Variants in GRIN2B observed in about 807,000 individuals in gnomAD.
The protein encoded by GRIN2B is glutamate ionotropic receptor NMDA type subunit 2B.
GRIN2B carries 5 observed loss-of-function variants against 114.5 expected under a neutral mutation model. The observed-to-expected ratio is 0.04, with a 90% CI of 0.02 to 0.09. GRIN2B has a LOEUF of 0.09. Ranked by LOEUF, GRIN2B falls within the 10% of genes least tolerant of loss-of-function variation. GRIN2B has a pLI of 1.00. For synonymous variants in GRIN2B, 787 were observed against 745.1 expected (o/e 1.06, Z -0.92); for missense variants, 1,108 against 1,943.5 (o/e 0.57, Z 8.08).
chr12:13,929,597 T>C (rs1866984452), intron 2 of GRIN2B, among the ~76,000 whole-genome samples: 1 of 152,204 alleles, frequency 6.6e-6, no homozygotes, highest in Non-Finnish European at 1.5e-5. Flanking sequence ...AACAAAGCCC[T>C]GAGTGTCTAA....
At chr12:13,699,572 T>C (rs1009355665) in intron 4 of GRIN2B, among the ~76,000 whole-genome samples, 28 of 152,040 alleles carry the variant, frequency 1.8e-4, no homozygotes, top group Middle Eastern at 3.4e-3. Context: ...AGGAGAAACC[T>C]ACCTGAAAGG....
At chr12:13,635,299 C>T (rs557798121) in intron 5 of GRIN2B, among the ~76,000 whole-genome samples, 6 of 152,026 alleles carry the variant, frequency 3.9e-5, no homozygotes, top group Non-Finnish European at 5.9e-5. Context: ...GGAGAGGGGG[C>T]CTTTTGATGT....
rs1432125335 is a variant in GRIN2B at position 13,804,380 on chromosome 12, C to T, written c.412-50465G>A. Among the ~76,000 whole-genome samples, 3 of 151,980 alleles carry T rather than the reference C, an allele frequency of 2.0e-5. No individual in the cohort carries two copies. The East Asian group carries it at 5.8e-4, about 29-fold the overall frequency. Reference sequence around the variant, plus strand: ...GTTTTTACTTTCATATAGTCTTATGCCTTTTAGGTTCTCCACAATCATTTA... The same window carrying T: ...GTTTTTACTTTCATATAGTCTTATGTCTTTTAGGTTCTCCACAATCATTTA... On this transcript the variant is annotated intron_variant, in intron 3 of 13. Coordinates refer to ENST00000609686, the MANE Select transcript of GRIN2B (RefSeq NM_000834.5).
chr12:13,807,024 C>T (rs552663281), intron 3 of GRIN2B, among the ~76,000 whole-genome samples: 39 of 152,112 alleles, frequency 2.6e-4, no homozygotes, highest in African/African-American at 7.7e-4. Flanking sequence ...ACTCACAGTG[C>T]CTTGTAAATT....
intron 5 of GRIN2B, among the ~76,000 whole-genome samples, chr12:13,651,222 T>G (rs1949809041): frequency 1.3e-5 from 2 of 151,972 alleles, no homozygotes; most frequent in African/African-American, 4.8e-5. Context: ...TGGCCTATGG[T>G]AGAAAAGAGA....
chr12:13,713,542 C>T (rs2136583971), intron 4 of GRIN2B, among the ~76,000 whole-genome samples: 1 of 152,056 alleles, frequency 6.6e-6, no homozygotes, highest in Non-Finnish European at 1.5e-5. Context: ...CCATGAAATA[C>T]TTCCCTAGCG....
chr12:13,913,309 C>T (rs544335606), intron 2 of GRIN2B, among the ~76,000 whole-genome samples: 1 of 152,300 alleles, frequency 6.6e-6, no homozygotes, highest in South Asian at 2.1e-4. Context: ...TCACCCTACT[C>T]GCACACAACC....
intron 2 of GRIN2B, among the ~76,000 whole-genome samples, chr12:13,894,050 A>G (rs1172547469): frequency 6.6e-6 from 1 of 152,098 alleles, no homozygotes; most frequent in African/African-American, 2.4e-5. Context: ...AATCATAAAG[A>G]TTTTTTATTT....
chr12:13,697,202 G>C (rs1044059993), intron 4 of GRIN2B, among the ~76,000 whole-genome samples: 3 of 152,080 alleles, frequency 2.0e-5, no homozygotes, highest in Non-Finnish European at 2.9e-5. Flanking sequence ...CCACAACTCA[G>C]GAGAGAGGCA....
chr12:13,759,700 T>C (rs1863643258), intron 3 of GRIN2B, among the ~76,000 whole-genome samples: 1 of 152,220 alleles, frequency 6.6e-6, no homozygotes, highest in Admixed American at 6.5e-5. Context: ...TGCTCAATGG[T>C]ACCACTGGCT....
chr12:13,601,714 AG>A (rs1226399816), intron 10 of GRIN2B, among the ~76,000 whole-genome samples: 1 of 151,312 alleles, frequency 6.6e-6, no homozygotes, highest in Admixed American at 6.6e-5. Flanking sequence ...GGGTCGTTCA[AG>A]GGGAAGGGGA....
intron 3 of GRIN2B, among the ~76,000 whole-genome samples, chr12:13,767,119 G>T (rs1036382970): frequency 6.6e-6 from 1 of 152,084 alleles, no homozygotes; most frequent in Non-Finnish European, 1.5e-5. Flanking sequence ...AATTAGCCGG[G>T]CGTGGTGGCG....
chr12:13,715,996 T>A (rs1950452085), intron 4 of GRIN2B, among the ~76,000 whole-genome samples: 1 of 151,916 alleles, frequency 6.6e-6, no homozygotes, highest in African/African-American at 2.4e-5. Flanking sequence ...CATTATCCTG[T>A]CCTTCATGAT....
chr12:13,565,429 T>C (rs1286561368), intron 13 of GRIN2B, among the ~76,000 whole-genome samples: 1 of 152,224 alleles, frequency 6.6e-6, no homozygotes, highest in African/African-American at 2.4e-5. Flanking sequence ...CTCACTCACT[T>C]AATATTATCA....
intron 10 of GRIN2B, among the ~76,000 whole-genome samples, chr12:13,593,987 C>A (rs1949040810): frequency 6.6e-6 from 1 of 152,128 alleles, no homozygotes; most frequent in South Asian, 2.1e-4. Context: ...CCATCTCATG[C>A]CAGTTAGAAT....
At chr12:13,665,552 A>G (rs1949965943) in intron 5 of GRIN2B, among the ~76,000 whole-genome samples, 1 of 152,160 alleles carries the variant, frequency 6.6e-6, no homozygotes, top group Admixed American at 6.6e-5. Flanking sequence ...CACACTGGAC[A>G]CAAACGGAGC....
At chr12:13,709,475 A>G (rs1950394780) in intron 4 of GRIN2B, among the ~76,000 whole-genome samples, 1 of 152,052 alleles carries the variant, frequency 6.6e-6, no homozygotes, top group Non-Finnish European at 1.5e-5. Flanking sequence ...GACACAGAAG[A>G]TAGAAAGAAG....
chr12:13,811,474 G>T (rs1288332048), intron 3 of GRIN2B, among the ~76,000 whole-genome samples: 1 of 152,220 alleles, frequency 6.6e-6, no homozygotes. Context: ...TCAGCTACTT[G>T]GAAGACTGAG....
chr12:13,808,528 G>T (rs1864656092), intron 3 of GRIN2B, among the ~76,000 whole-genome samples: 1 of 151,612 alleles, frequency 6.6e-6, no homozygotes, highest in Non-Finnish European at 1.5e-5. Flanking sequence ...TTCACTCATA[G>T]GTGGGAATTG....
Sources: gnomAD v4.1 joint callset for allele counts (sites outside exome capture counted in the v4.1 genomes callset) on GRCh38, gnomAD v4.1.1 for gene constraint, MANE v1.5 for transcripts, NCBI Gene and HGNC (gene_info 2026-07-23, HGNC 2026-07-21) for gene names.